The following LRIG1 variants were observed in gnomAD, a reference collection of about 807,000 sequenced individuals.
LRIG1 encodes leucine rich repeats and immunoglobulin like domains 1.
In LRIG1, 48 loss-of-function variants were observed where a neutral mutation model predicts 99.2. That is an observed-to-expected ratio of 0.48 (90% CI 0.38 to 0.62). The LOEUF is 0.62. Ranked by LOEUF, LRIG1 falls within the 20% of genes least tolerant of loss-of-function variation. LRIG1 has a pLI of 0.00. For missense variants in LRIG1, 1,646 were observed against 1,434.4 expected (o/e 1.15, Z -2.38); for synonymous variants, 772 against 596.1 (o/e 1.29, Z -4.30).
rs545474241 is a variant in LRIG1, at chr3:66,408,096, A to G, written c.936-605T>C. ...CCCCTACTGCAGGCGGTAAAAGCAC[A>G]TGCTTTGCCCGAACCTCAGAATCAA... On this transcript the variant is annotated intron_variant, in intron 7 of 18. Coordinates refer to ENST00000273261, the MANE Select transcript of LRIG1 (RefSeq NM_015541.3). Among the ~76,000 whole-genome samples the G allele has an allele frequency of 2.6e-5, 4 of 152,340 alleles. No individual in the cohort carries two copies. In the East Asian group the frequency reaches 7.7e-4, roughly 29 times the overall value.
intron 12 of LRIG1, chr3:66,387,758 T>G (rs752350158): frequency 6.6e-6 from 1 of 151,930 alleles, no homozygotes; most frequent in Non-Finnish European, 1.5e-5. Flanking sequence ...TCGGCAATTA[T>G]AGGCATATTC....
chr3:66,414,362 A>T (rs1209765840), intron 5 of LRIG1, among the ~76,000 whole-genome samples: 4 of 152,016 alleles, frequency 2.6e-5, no homozygotes, highest in African/African-American at 7.2e-5. Flanking sequence ...ACACCACTGC[A>T]CCCCACCTGG....
intron 3 of LRIG1, among the ~76,000 whole-genome samples, chr3:66,436,464 A>C (rs770978869): frequency 6.6e-6 from 1 of 152,220 alleles, no homozygotes; most frequent in South Asian, 2.1e-4. Context: ...TGCTAAACTT[A>C]CATGACCACA....
intron 1 of LRIG1, among the ~76,000 whole-genome samples, chr3:66,486,144 G>A (rs1221842202): frequency 6.6e-6 from 1 of 152,152 alleles, no homozygotes; most frequent in Non-Finnish European, 1.5e-5. Context: ...TCCTGCTGCA[G>A]AAAGGTACAC....
intron 1 of LRIG1, among the ~76,000 whole-genome samples, chr3:66,493,318 C>T (rs932180698): frequency 6.6e-6 from 1 of 152,180 alleles, no homozygotes; most frequent in Admixed American, 6.5e-5. Flanking sequence ...CCATACCTGC[C>T]TCCCTTCCAA....
intron 2 of LRIG1, among the ~76,000 whole-genome samples, chr3:66,461,778 T>C (rs1487457517): frequency 6.6e-6 from 1 of 152,112 alleles, no homozygotes; most frequent in Non-Finnish European, 1.5e-5. Context: ...AAAAACAGAA[T>C]GCATTAAAAA....
intron 1 of LRIG1, among the ~76,000 whole-genome samples, chr3:66,483,231 AT>A (rs1323784868): frequency 6.6e-6 from 1 of 152,198 alleles, no homozygotes; most frequent in Non-Finnish European, 1.5e-5. Flanking sequence ...CCTTGCTAGC[AT>A]GCCTGGGAGA....
In LRIG1 at chr3:66,381,114, GA is replaced by G. The variant is rs754972444; in HGVS notation, c.2771-254del. The stretch of plus-strand genomic sequence containing the variant: ...AATGTAGTCTTACTGCTTCACGGGG[GA>G]AAAGCCATTAGCCTTAGGTACCATG... On this transcript the variant is annotated intron_variant, in intron 17 of 18. Transcript: ENST00000273261. Among the ~76,000 whole-genome samples, 14 of 152,318 alleles carry G rather than the reference GA, an allele frequency of 9.2e-5. No homozygotes were observed. The Middle Eastern group carries it at 0.01, about 111-fold the overall frequency.
At chr3:66,422,693 A>G (rs1345235458) in intron 3 of LRIG1, among the ~76,000 whole-genome samples, 1 of 152,236 alleles carries the variant, frequency 6.6e-6, no homozygotes, top group African/African-American at 2.4e-5. Context: ...ATCCAGTTCC[A>G]AAGTCACTTC....
In LRIG1 at chr3:66,500,171, C is replaced by A. The variant is rs746620112; in HGVS notation, c.218+19G>T. 3 of 1,507,784 alleles carry A rather than the reference C, an allele frequency of 2.0e-6. No homozygotes were observed. Among genetic ancestry groups the A allele is most frequent in the South Asian group, 2.4e-5 (2 of 82,816 alleles). The allele number at this position is 1,507,784 out of a possible 1,614,324, so 93.4% of individuals were successfully genotyped here. A position where few individuals can be genotyped will look rare whatever the true frequency, so the allele number is the denominator to read the frequency against. ...ACAGAGCCCCGGGGCGCAGAGAGGG[C>A]GGAAAGGGCGGCACTCACAGGCTCC... On this transcript the variant is annotated intron_variant, in intron 1 of 18. Transcript: ENST00000273261.
At chr3:66,437,639 T>A (rs1301525979) in intron 3 of LRIG1, among the ~76,000 whole-genome samples, 1 of 152,164 alleles carries the variant, frequency 6.6e-6, no homozygotes, top group Non-Finnish European at 1.5e-5. Context: ...ATCCTTAAGA[T>A]GACCCTTCCA....
intron 9 of LRIG1, among the ~76,000 whole-genome samples, chr3:66,403,946 C>T (rs946092508): frequency 6.6e-6 from 1 of 152,200 alleles, no homozygotes; most frequent in Non-Finnish European, 1.5e-5. Context: ...CTGCCCCACC[C>T]CACTTGGTAC....
Position 66,407,389 on chromosome 3 carries a change from A to T in LRIG1, c.1038T>A (p.Ile346=), listed in dbSNP as rs773312128. 6.2e-6 allele frequency: 10 copies of T among 1,613,998 alleles called. No individual in the cohort carries two copies. Among genetic ancestry groups the T allele is most frequent in the African/African-American group, 1.3e-5 (1 of 74,922 alleles). The change falls in exon 8 of 19, where the codon ATT becomes ATA. Residue 346 remains isoleucine (I), a synonymous_variant. Transcript: ENST00000273261. ...LRLSHNSISH[I]AEGAFKGLRS... ...TGAGTCCCTTGAAGGCACCCTCCGCAATGTGGCTGATGGAATTGTGGCTGA... is the reference window on the plus strand; with the variant it reads ...TGAGTCCCTTGAAGGCACCCTCCGCTATGTGGCTGATGGAATTGTGGCTGA...
In LRIG1 at chr3:66,382,303, G is replaced by T; in HGVS notation, c.2587C>A (p.Pro863Thr). ...CTCTCAATGTGCCCATTGGCCTGAG[G>T]GCCACCCTCGGTCCTGACCACGGTT... The part of the protein sequence containing the change: ...QETVVRTEGG[P>T]QANGHIESNG... Residue 863 changes from proline (P) to threonine (T), a missense_variant, in exon 16 of 19, where the codon CCT (proline) becomes ACT (threonine). Coordinates refer to ENST00000273261, the MANE Select transcript of LRIG1 (RefSeq NM_015541.3). The T allele has an allele frequency of 6.2e-7, 1 of 1,614,152 alleles. No homozygotes were observed. Among genetic ancestry groups the T allele is most frequent in the Non-Finnish European group, 8.5e-7 (1 of 1,180,036 alleles).
In LRIG1 at chr3:66,380,188, C is replaced by A. The variant is rs1046271444; in HGVS notation, c.*75G>T. On this transcript the variant is annotated 3_prime_UTR_variant, in exon 19 of 19. Coordinates refer to ENST00000273261, the MANE Select transcript of LRIG1 (RefSeq NM_015541.3). ...ATGTACAGATGAGTGACGCTTGAAC[C>A]CAAGCTTCCTCGCAGCCTCTCCTAC... 43 of 1,280,040 alleles carry A rather than the reference C, an allele frequency of 3.4e-5. No homozygotes were observed. The highest frequency in any genetic ancestry group is 4.4e-5 in the Admixed American group (2 of 45,484). 79.3% of individuals were successfully genotyped at this position (1,280,040 alleles called of 1,614,324 possible). A position where few individuals can be genotyped will look rare whatever the true frequency, so the allele number is the denominator to read the frequency against.
At chr3:66,436,225 G>A (rs1335167682) in intron 3 of LRIG1, among the ~76,000 whole-genome samples, 2 of 152,130 alleles carry the variant, frequency 1.3e-5, no homozygotes, top group African/African-American at 4.8e-5. Context: ...TGCCAGACGT[G>A]CATGCCCAGA....
In LRIG1 at chr3:66,500,769, C is replaced by A. The variant is rs2106952510; in HGVS notation, c.-362G>T. On this transcript the variant is annotated 5_prime_UTR_variant, in exon 1 of 19. Coordinates refer to ENST00000273261, the MANE Select transcript of LRIG1 (RefSeq NM_015541.3). ...GGCCGAGGGCAGTGCTGCCGCTGCG[C>A]CTGGAAGACAGGCGTTCAGCCCCGC... 1 of 167,826 alleles carries A rather than the reference C, an allele frequency of 6.0e-6. No individual in the cohort carries two copies. Among genetic ancestry groups the A allele is most frequent in the South Asian group, 2.0e-4 (1 of 5,018 alleles). The allele number at this position is 167,826 out of a possible 1,614,324, so 10.4% of individuals were successfully genotyped here. A position where few individuals can be genotyped will look rare whatever the true frequency, so the allele number is the denominator to read the frequency against.
At chr3:66,398,926 A>G (rs1245588972) in intron 10 of LRIG1, 44 bp downstream of exon 10, 19 of 1,549,474 alleles carry the variant, frequency 1.2e-5, no homozygotes, top group Non-Finnish European at 1.5e-5. Flanking sequence ...CGGCAGCCGC[A>G]TTCAGCAGGC....
At chr3:66,498,851 G>C (rs114102804) in intron 1 of LRIG1, among the ~76,000 whole-genome samples, 1 of 152,188 alleles carries the variant, frequency 6.6e-6, no homozygotes, top group African/African-American at 2.4e-5. Context: ...CCCATTTTGA[G>C]AGGTACAGGA....
Sources: allele counts gnomAD v4.1 joint callset (sites outside exome capture counted in the v4.1 genomes callset), GRCh38; gene constraint gnomAD v4.1.1; transcripts MANE v1.5; gene names NCBI Gene and HGNC (gene_info 2026-07-23, HGNC 2026-07-21).